ESYT2: variants seen among roughly 807,000 people sequenced by gnomAD.
ESYT2 encodes the protein extended synaptotagmin 2.
Under a neutral mutation model 107.2 loss-of-function variants are expected in ESYT2, and 54 were observed. That is an observed-to-expected ratio of 0.50 (90% confidence interval 0.40 to 0.63). The LOEUF (loss-of-function observed/expected upper bound fraction) is 0.63. ESYT2 is among the 30% of genes least tolerant of loss of function. The pLI is 0.00. For missense variants in ESYT2, 1,020 were observed against 1,094.5 expected (o/e 0.93, Z 0.96); for synonymous variants, 491 against 434.1 (o/e 1.13, Z -1.63).
At chr7:158,791,137 A>G (rs1755759274) in intron 4 of ESYT2, among the ~76,000 whole-genome samples, 9 of 152,008 alleles carry the variant, frequency 5.9e-5, no homozygotes, top group Admixed American at 3.9e-4. Context: ...GGCAACCACC[A>G]TTCCGCTTCT....
intron 4 of ESYT2, among the ~76,000 whole-genome samples, chr7:158,793,002 T>C (rs1290425282): frequency 6.6e-6 from 1 of 151,920 alleles, no homozygotes; most frequent in East Asian, 1.9e-4. Flanking sequence ...TCTCCTGACC[T>C]CGTGATCCGC....
intron 14 of ESYT2, among the ~76,000 whole-genome samples, chr7:158,752,162 G>T (rs1275429735): frequency 1.3e-5 from 2 of 152,062 alleles, no homozygotes; most frequent in African/African-American, 2.4e-5. Flanking sequence ...AATATTCAAA[G>T]AAATTAAAGA....
At chr7:158,740,832 G>A (rs898497066) in intron 18 of ESYT2, among the ~76,000 whole-genome samples, 2 of 152,130 alleles carry the variant, frequency 1.3e-5, no homozygotes, top group Non-Finnish European at 2.9e-5. Flanking sequence ...TTTTCTAACA[G>A]CTCAGAAGCA....
At chr7:158,784,511 T>C (rs1449704244) in intron 6 of ESYT2, among the ~76,000 whole-genome samples, 2 of 152,144 alleles carry the variant, frequency 1.3e-5, no homozygotes, top group Non-Finnish European at 2.9e-5. Context: ...CTGGCAGACA[T>C]GCTATTCCAC....
intron 6 of ESYT2, among the ~76,000 whole-genome samples, chr7:158,779,772 A>C (rs572220672): frequency 1.1e-4 from 16 of 152,320 alleles, no homozygotes; most frequent in Admixed American, 7.2e-4. Flanking sequence ...ACGTGGAATG[A>C]CTGGCAGACA....
At chr7:158,745,692 T>TA (rs57511337) in intron 16 of ESYT2, among the ~76,000 whole-genome samples, 36,467 of 150,992 alleles carry the variant, frequency 0.24, 5,457 homozygotes, top group East Asian at 0.66. Context: ...ATAGAAAGAT[T>TA]AAAAAAAAAT....
chr7:158,735,206 T>G (rs536101689), intron 21 of ESYT2, among the ~76,000 whole-genome samples: 2 of 152,252 alleles, frequency 1.3e-5, no homozygotes, highest in Admixed American at 6.5e-5. Context: ...GAAATTCACA[T>G]AAATAAAGCC....
intron 13 of ESYT2, 103 bp downstream of exon 13, chr7:158,759,383 A>G: frequency 1.4e-6 from 1 of 700,656 alleles, no homozygotes; most frequent in Non-Finnish European, 2.2e-6. Flanking sequence ...AAACACAACA[A>G]GAAGAGAACA....
In ESYT2 at chr7:158,770,493, TTATACATATACGATTA is replaced by T. The variant is rs1838322063; in HGVS notation, c.804-2735_804-2720del. ...TAAGTATATATTTTTAATGACATAATTATACATATACGATTATATATATATATATTTTTTTTCCTGA... is the reference window on the plus strand; with the variant it reads ...TAAGTATATATTTTTAATGACATAATTATATATATATATTTTTTTTCCTGA... On this transcript the variant is annotated intron_variant, in intron 7 of 22. Transcript: ENST00000275418. 6.0e-5 allele frequency among the ~76,000 whole-genome samples: 9 copies of T among 151,106 alleles called. No homozygotes were observed. In the South Asian group the frequency reaches 1.9e-3, roughly 31 times the overall value.
chr7:158,769,669 A>G (rs1272877344), intron 7 of ESYT2, among the ~76,000 whole-genome samples: 2 of 152,176 alleles, frequency 1.3e-5, no homozygotes, highest in African/African-American at 4.8e-5. Flanking sequence ...AACATAACGG[A>G]TATTTAATCA....
At chr7:158,811,683 G>A (rs1839997650) in intron 1 of ESYT2, among the ~76,000 whole-genome samples, 1 of 152,184 alleles carries the variant, frequency 6.6e-6, no homozygotes, top group African/African-American at 2.4e-5. Context: ...ACTTTCTATG[G>A]CTGTTCTCCT....
rs1177577892 is a variant in ESYT2, at chr7:158,732,895, T to C, written c.*1312A>G. 1.3e-5 allele frequency: 2 copies of C among 152,270 alleles called. No individual in the cohort carries two copies. Among genetic ancestry groups the C allele is most frequent in the Non-Finnish European group, 2.9e-5 (2 of 68,058 alleles). 9.4% of individuals were successfully genotyped at this position (152,270 alleles called of 1,614,324 possible). ...CTTAATCGTCTACATATGTGCATTC[T>C]TTCTTTACAGACACACACAGCCTAC... On this transcript the variant is annotated 3_prime_UTR_variant, in exon 23 of 23. Transcript: ENST00000275418.
chr7:158,742,142 A>G (rs988079264), intron 17 of ESYT2, among the ~76,000 whole-genome samples: 2 of 152,170 alleles, frequency 1.3e-5, no homozygotes, highest in Non-Finnish European at 2.9e-5. Flanking sequence ...CACAGGGGTG[A>G]CCATCGCGCA....
At chr7:158,739,854 T>C (rs1452397193) in intron 18 of ESYT2, among the ~76,000 whole-genome samples, 8 of 152,104 alleles carry the variant, frequency 5.3e-5, no homozygotes. Flanking sequence ...CAGAGATCGT[T>C]AAGACTGAAG....
chr7:158,803,158 G>T (rs12669752), intron 1 of ESYT2, among the ~76,000 whole-genome samples: 16,724 of 152,270 alleles, frequency 0.11, 1,356 homozygotes, highest in East Asian at 0.43. Context: ...GGGGGCCAAC[G>T]CGCCGTTCCC....
intron 14 of ESYT2, among the ~76,000 whole-genome samples, chr7:158,752,496 A>T (rs1159916787): frequency 6.6e-6 from 1 of 152,264 alleles, no homozygotes; most frequent in Admixed American, 6.5e-5. Flanking sequence ...CACAAATTCA[A>T]ATCCAATTAA....
rs777631975 is a variant in ESYT2 at position 158,748,239 on chromosome 7, G to C, written c.1599C>G (p.Phe533Leu). Residue 533 changes from phenylalanine to leucine, a missense_variant, in exon 16 of 23, where the codon TTC (phenylalanine) becomes TTG (leucine). Physicochemically the swap from Phe to Leu is conservative, Grantham distance 22 (BLOSUM62 0). Transcript: ENST00000275418. ...KTNEPVWEEN[F>L]TFFIHNPKRQ... ...GCTTGGGATTGTGAATGAAGAAAGT[G>C]AAGTTTTCCTCCCACACAGGTTCAT... The C allele has an allele frequency of 6.2e-7, 1 of 1,614,176 alleles. No individual in the cohort carries two copies. Among genetic ancestry groups the C allele is most frequent in the Non-Finnish European group, 8.5e-7 (1 of 1,180,030 alleles).
At chr7:158,779,072 G>C (rs138377986) in intron 6 of ESYT2, among the ~76,000 whole-genome samples, 1 of 152,008 alleles carries the variant, frequency 6.6e-6, no homozygotes, top group Non-Finnish European at 1.5e-5. Flanking sequence ...TCCATAAATG[G>C]GTAGTATTAA....
intron 1 of ESYT2, among the ~76,000 whole-genome samples, chr7:158,810,677 G>A (rs6951838): frequency 0.079 from 11,571 of 147,356 alleles, 503 homozygotes; most frequent in Middle Eastern, 0.15. Context: ...GCGAGACCCT[G>A]TCTTGGGGGG....
Sources: gnomAD v4.1 joint callset for allele counts (sites outside exome capture counted in the v4.1 genomes callset) on GRCh38, gnomAD v4.1.1 for gene constraint, MANE v1.5 for transcripts, NCBI Gene and HGNC (gene_info 2026-07-23, HGNC 2026-07-21) for gene names.